Variants in ERC2 observed in about 807,000 individuals in gnomAD.
The protein encoded by ERC2 is ERC protein 2.
In ERC2, 42 loss-of-function variants were observed where a neutral mutation model predicts 114.8. The ratio of observed to expected loss-of-function variants is 0.37; its 90% CI spans 0.29 to 0.47. ERC2 has a LOEUF of 0.47. Ranked by LOEUF, ERC2 falls within the 20% of genes least tolerant of loss-of-function variation. The pLI is 0.99. For synonymous variants in ERC2, 454 were observed against 425.5 expected (o/e 1.07, Z -0.82); for missense variants, 939 against 1,150.7 (o/e 0.82, Z 2.66).
At chr3:55,920,964 C>G (rs191089817) in intron 13 of ERC2, among the ~76,000 whole-genome samples, 216 of 152,186 alleles carry the variant, frequency 1.4e-3, no homozygotes, top group African/African-American at 4.5e-3. Flanking sequence ...GGCTTCAAAC[C>G]TAGGGGGCTA....
intron 12 of ERC2, among the ~76,000 whole-genome samples, chr3:55,958,841 A>C (rs1361251572): frequency 6.6e-6 from 1 of 152,200 alleles, no homozygotes; most frequent in East Asian, 1.9e-4. Context: ...GCCTGTGGGC[A>C]CTGGGGGCTT....
chr3:55,977,713 C>T (rs1428560052), intron 12 of ERC2, among the ~76,000 whole-genome samples: 1 of 152,178 alleles, frequency 6.6e-6, no homozygotes, highest in Non-Finnish European at 1.5e-5. Context: ...AGCAATTCCA[C>T]ATTTAGGAAT....
intron 17 of ERC2, among the ~76,000 whole-genome samples, chr3:55,645,969 T>C (rs1054807371): frequency 2.0e-5 from 3 of 152,108 alleles, no homozygotes; most frequent in Admixed American, 6.6e-5. Flanking sequence ...GGGGAAATAA[T>C]ACATTTCAGG....
intron 14 of ERC2, among the ~76,000 whole-genome samples, chr3:55,836,828 T>C (rs553676408): frequency 1.3e-5 from 2 of 152,216 alleles, no homozygotes; most frequent in East Asian, 3.9e-4. Context: ...ACCTATAAAA[T>C]GGGAGAAAAT....
At chr3:55,653,607 G>A (rs947456114) in intron 17 of ERC2, among the ~76,000 whole-genome samples, 10 of 123,968 alleles carry the variant, frequency 8.1e-5, no homozygotes, top group African/African-American at 2.9e-4. Context: ...GTGTGTGTGT[G>A]TGTGTGTAAG....
chr3:56,032,879 GAAAGAA>G (rs1560055740), intron 7 of ERC2, among the ~76,000 whole-genome samples: 14 of 113,364 alleles, frequency 1.2e-4, no homozygotes, highest in African/African-American at 3.1e-4. Flanking sequence ...AAGAAAGAAA[GAAAGAA>G]AGAGAGAGAG....
intron 12 of ERC2, among the ~76,000 whole-genome samples, chr3:55,954,611 C>T (rs759516835): frequency 7.9e-5 from 12 of 152,054 alleles, no homozygotes; most frequent in African/African-American, 2.2e-4. Context: ...TCAATAGAAA[C>T]AAAAAGATGC....
At chr3:56,227,090 G>T (rs899118557) in intron 3 of ERC2, among the ~76,000 whole-genome samples, 8 of 152,026 alleles carry the variant, frequency 5.3e-5, no homozygotes, top group Non-Finnish European at 1.0e-4. Flanking sequence ...CACTGGCCCT[G>T]CTTGGATTCC....
At chr3:56,390,841 G>T (rs1176045586) in intron 2 of ERC2, among the ~76,000 whole-genome samples, 1 of 152,126 alleles carries the variant, frequency 6.6e-6, no homozygotes, top group Non-Finnish European at 1.5e-5. Context: ...TTAACAGGAA[G>T]CACTACTCAT....
intron 13 of ERC2, among the ~76,000 whole-genome samples, chr3:55,929,484 T>C (rs1186502371): frequency 6.6e-6 from 1 of 152,232 alleles, no homozygotes; most frequent in African/African-American, 2.4e-5. Context: ...TGCCCACTTT[T>C]ATTTCATTCC....
At chr3:55,696,106 G>A (rs886277988) in intron 16 of ERC2, among the ~76,000 whole-genome samples, 2 of 152,188 alleles carry the variant, frequency 1.3e-5, no homozygotes, top group African/African-American at 4.8e-5. Flanking sequence ...CTCTTAAGGA[G>A]CAAGAAAAAT....
chr3:56,154,995 C>G (rs1012267730), intron 4 of ERC2, among the ~76,000 whole-genome samples: 5 of 152,122 alleles, frequency 3.3e-5, no homozygotes, highest in South Asian at 2.1e-4. Context: ...ATCCTATAAC[C>G]TAAGTTTACT....
chr3:56,402,120 C>G (rs2106963399), intron 2 of ERC2, among the ~76,000 whole-genome samples: 1 of 152,254 alleles, frequency 6.6e-6, no homozygotes, highest in Non-Finnish European at 1.5e-5. Context: ...TCACCTGGAC[C>G]AGCCCTTGAT....
At chr3:55,645,045 C>A (rs534080749) in intron 17 of ERC2, among the ~76,000 whole-genome samples, 2 of 152,068 alleles carry the variant, frequency 1.3e-5, no homozygotes, top group African/African-American at 2.4e-5. Context: ...AAAACTGGAA[C>A]CTGGAAGAGG....
intron 2 of ERC2, among the ~76,000 whole-genome samples, chr3:56,421,729 T>A (rs1363116479): frequency 6.6e-6 from 1 of 152,226 alleles, no homozygotes; most frequent in Admixed American, 6.5e-5. Flanking sequence ...TTCCTCATCA[T>A]CTTCCAACTG....
At chr3:55,936,981 T>C (rs1291095568) in intron 13 of ERC2, among the ~76,000 whole-genome samples, 1 of 152,158 alleles carries the variant, frequency 6.6e-6, no homozygotes, top group East Asian at 1.9e-4. Flanking sequence ...AGCTAGTAAG[T>C]GACAGCATCG....
intron 14 of ERC2, among the ~76,000 whole-genome samples, chr3:55,867,405 C>G (rs770773284): frequency 5.3e-5 from 8 of 152,100 alleles, no homozygotes; most frequent in Non-Finnish European, 1.0e-4. Flanking sequence ...TCCATGAGTT[C>G]TGAATCTAAG....
intron 3 of ERC2, among the ~76,000 whole-genome samples, chr3:56,213,680 C>G (rs1364728992): frequency 1.3e-5 from 2 of 152,214 alleles, no homozygotes; most frequent in Non-Finnish European, 2.9e-5. Flanking sequence ...GTTCTCCCAG[C>G]ACGCAGCTTG....
At chr3:55,564,395 T>C (rs907422173) in intron 17 of ERC2, among the ~76,000 whole-genome samples, 2 of 152,202 alleles carry the variant, frequency 1.3e-5, no homozygotes, top group Non-Finnish European at 2.9e-5. Context: ...AAATTCTAAA[T>C]GGCTTTTTTC....
Sources: gnomAD v4.1 joint callset for allele counts (sites outside exome capture counted in the v4.1 genomes callset) on GRCh38, gnomAD v4.1.1 for gene constraint, MANE v1.5 for transcripts, NCBI Gene and HGNC (gene_info 2026-07-23, HGNC 2026-07-21) for gene names.